The following RNF150 variants were observed in gnomAD, a reference collection of about 807,000 sequenced individuals.
RNF150 encodes ring finger protein 150.
In RNF150, 24 loss-of-function variants were observed where a neutral mutation model predicts 39.3. That is an observed-to-expected ratio of 0.61 (90% CI 0.44 to 0.86). The LOEUF is 0.86. Ranked by LOEUF, RNF150 falls within the 40% of genes least tolerant of loss-of-function variation. The pLI is 0.00. For synonymous variants in RNF150, 255 were observed against 227.3 expected (o/e 1.12, Z -1.10); for missense variants, 502 against 587.8 (o/e 0.85, Z 1.51).
intron 1 of RNF150, among the ~76,000 whole-genome samples, chr4:141,131,973 T>C (rs1726901314): frequency 6.6e-6 from 1 of 151,896 alleles, no homozygotes; most frequent in African/African-American, 2.4e-5. Context: ...GATCTACTGG[T>C]TCCAAACAGG....
intron 5 of RNF150, among the ~76,000 whole-genome samples, chr4:140,925,008 C>G (rs1731333566): frequency 6.6e-6 from 1 of 152,174 alleles, no homozygotes; most frequent in African/African-American, 2.4e-5. Flanking sequence ...GGATCTGATC[C>G]TTCTTCAGTG....
chr4:140,972,410 G>A (rs1371296155), intron 1 of RNF150, among the ~76,000 whole-genome samples: 1 of 152,088 alleles, frequency 6.6e-6, no homozygotes, highest in Non-Finnish European at 1.5e-5. Context: ...ATTTATCCTA[G>A]GAATGTGAAG....
intron 6 of RNF150, among the ~76,000 whole-genome samples, chr4:140,868,626 T>C (rs1008418309): frequency 1.3e-5 from 2 of 152,136 alleles, no homozygotes; most frequent in African/African-American, 4.8e-5. Context: ...AAAATATATA[T>C]CTACCGTAAG....
At chr4:141,051,702 G>A (rs1736783061) in intron 1 of RNF150, among the ~76,000 whole-genome samples, 1 of 152,094 alleles carries the variant, frequency 6.6e-6, no homozygotes, top group African/African-American at 2.4e-5. Context: ...ATCATTATCG[G>A]CATTTTGGTC....
chr4:140,975,945 T>A (rs1348961906), intron 1 of RNF150, among the ~76,000 whole-genome samples: 1 of 152,148 alleles, frequency 6.6e-6, no homozygotes, highest in Non-Finnish European at 1.5e-5. Flanking sequence ...GAATCCAACA[T>A]AATTTCCTTT....
chr4:141,061,461 G>T (rs1050551502), intron 1 of RNF150, among the ~76,000 whole-genome samples: 5 of 152,226 alleles, frequency 3.3e-5, no homozygotes, highest in African/African-American at 1.2e-4. Flanking sequence ...AACAATTCTT[G>T]AAAATAATCA....
At chr4:140,914,068 ATGT>A (rs1370090919) in intron 5 of RNF150, among the ~76,000 whole-genome samples, 15 of 152,190 alleles carry the variant, frequency 9.9e-5, no homozygotes, top group Admixed American at 9.8e-4. Context: ...ATTTTTCAAA[ATGT>A]TGATCTAGCT....
At chr4:140,877,722 T>A (rs1254932491) in intron 6 of RNF150, among the ~76,000 whole-genome samples, 1 of 152,166 alleles carries the variant, frequency 6.6e-6, no homozygotes, top group Non-Finnish European at 1.5e-5. Context: ...CAAGGTGACA[T>A]ATGCTAAAAG....
At chr4:141,080,027 G>A (rs781494755) in intron 1 of RNF150, among the ~76,000 whole-genome samples, 4 of 150,466 alleles carry the variant, frequency 2.7e-5, no homozygotes, top group Non-Finnish European at 5.9e-5. Flanking sequence ...TATTCTCCAA[G>A]AGCCAGTGTG....
chr4:141,195,265 C>T (rs571960972), intron 1 of RNF150, among the ~76,000 whole-genome samples: 1 of 152,122 alleles, frequency 6.6e-6, no homozygotes, highest in Non-Finnish European at 1.5e-5. Flanking sequence ...CCCTCCTAAA[C>T]CTGAGCTAGG....
intron 1 of RNF150, among the ~76,000 whole-genome samples, chr4:140,985,521 A>G (rs73857161): frequency 0.021 from 3,166 of 152,262 alleles, 104 homozygotes; most frequent in African/African-American, 0.072. Context: ...TGTCTAATGT[A>G]GCCACTAGCC....
At chr4:141,144,393 A>G (rs1430253825) in intron 1 of RNF150, among the ~76,000 whole-genome samples, 2 of 152,192 alleles carry the variant, frequency 1.3e-5, no homozygotes, top group African/African-American at 4.8e-5. Context: ...TGTTTTGTTG[A>G]ATTAGTCTTT....
chr4:140,931,480 AC>A (rs1474976937), intron 4 of RNF150, among the ~76,000 whole-genome samples: 10 of 152,216 alleles, frequency 6.6e-5, no homozygotes, highest in Admixed American at 6.5e-5. Flanking sequence ...GTAAAAGTCA[AC>A]AGACTAAATA....
At chr4:141,159,416 C>T (rs569082977) in intron 1 of RNF150, among the ~76,000 whole-genome samples, 1 of 152,162 alleles carries the variant, frequency 6.6e-6, no homozygotes, top group Non-Finnish European at 1.5e-5. Context: ...TCTAAAAACT[C>T]TCAGCCATAT....
At position 141,132,996 on chromosome 4, in the gene RNF150, C is replaced by T; in HGVS notation, c.-188G>A. 1.8e-6 allele frequency: 1 copy of T among 545,202 alleles called. No individual in the cohort carries two copies. 33.8% of individuals were successfully genotyped at this position (545,202 alleles called of 1,614,324 possible). ...TTCCGGGCGAGCGGATGGCGCTGGC[C>T]CCTTCCCCTCTCAGCTGTAGCGCGG... On this transcript the variant is annotated 5_prime_UTR_variant, in exon 1 of 7. Transcript: ENST00000515673. The surrounding 1 kb of genome is among the most constrained non-coding windows in gnomAD (Gnocchi z 4.9).
intron 6 of RNF150, among the ~76,000 whole-genome samples, chr4:140,888,220 G>A (rs1446568179): frequency 6.6e-6 from 1 of 152,156 alleles, no homozygotes; most frequent in Non-Finnish European, 1.5e-5. Flanking sequence ...ATGGCTCAAA[G>A]TGGTGGTATG....
upstream of RNF150, among the ~76,000 whole-genome samples, chr4:141,134,201 A>G (rs775719521): frequency 6.6e-6 from 1 of 152,136 alleles, no homozygotes; most frequent in Non-Finnish European, 1.5e-5. Context: ...TGTTTGGGTT[A>G]TTGTTTATAG....
intron 2 of RNF150, among the ~76,000 whole-genome samples, chr4:140,954,939 G>GT (rs1021897075): frequency 6.3e-4 from 95 of 151,924 alleles, no homozygotes; most frequent in African/African-American, 2.2e-3. Context: ...TATCATATTT[G>GT]TTTTTTTCCC....
At chr4:140,987,494 T>C (rs1734053783) in intron 1 of RNF150, among the ~76,000 whole-genome samples, 1 of 151,996 alleles carries the variant, frequency 6.6e-6, no homozygotes, top group Non-Finnish European at 1.5e-5. Flanking sequence ...TTGACAAAGT[T>C]GACAAAAATA....
Sources: gnomAD v4.1 joint callset for allele counts (sites outside exome capture counted in the v4.1 genomes callset) on GRCh38, gnomAD v4.1.1 for gene constraint, Gnocchi (gnomAD v3.1) non-coding constraint, MANE v1.5 for transcripts, NCBI Gene and HGNC (gene_info 2026-07-23, HGNC 2026-07-21) for gene names.